MTIF2: variants seen among roughly 807,000 people sequenced by gnomAD.
The protein encoded by MTIF2 is translation initiation factor IF-2, mitochondrial.
In MTIF2, 71 loss-of-function variants were observed where a neutral mutation model predicts 83.5. The ratio of observed to expected loss-of-function variants is 0.85; its 90% CI spans 0.70 to 1.04. The LOEUF is 1.04. Ranked by LOEUF, MTIF2 falls within the 50% of genes least tolerant of loss-of-function variation. MTIF2 has a pLI of 0.00. For synonymous variants in MTIF2, 319 were observed against 287.1 expected (o/e 1.11, Z -1.12); for missense variants, 957 against 846.5 (o/e 1.13, Z -1.62).
At chr2:55,237,559 G>T in intron 14 of MTIF2, 131 bp from the exon 15 acceptor site, 3 of 732,612 alleles carry the variant, frequency 4.1e-6, no homozygotes, top group South Asian at 4.1e-5. Context: ...AAAAGTCTGG[G>T]TTTCTTTAAC....
At position 55,236,935 on chromosome 2, in the gene MTIF2, T is replaced by C. The variant is rs377685995; in HGVS notation, c.2012-115A>G. 1.2e-4 allele frequency: 105 copies of C among 898,836 alleles called. 1 individual carries two copies. The East Asian group carries it at 2.7e-3, about 23-fold the overall frequency. 55.7% of individuals were successfully genotyped at this position (898,836 alleles called of 1,614,324 possible). A position where few individuals can be genotyped will look rare whatever the true frequency, so the allele number is the denominator to read the frequency against. On this transcript the variant is annotated intron_variant, in intron 15 of 15. Transcript: ENST00000263629. ...ACTGAAATTCTTAAAAATTTTATGG[T>C]CTTGTCAAGTTAAATGATGGGACTA...
chr2:55,239,845 G>T (rs1406088986), intron 14 of MTIF2, among the ~76,000 whole-genome samples, 166 bp downstream of exon 14: 1 of 152,178 alleles, frequency 6.6e-6, no homozygotes, highest in Admixed American at 6.5e-5. Context: ...CACAGGGCAG[G>T]TGTTTACATA....
chr2:55,258,471 C>T (rs537490463), intron 5 of MTIF2, among the ~76,000 whole-genome samples: 12 of 152,150 alleles, frequency 7.9e-5, no homozygotes, highest in African/African-American at 2.9e-4. Context: ...GAGTTCGAGA[C>T]CAGCCTGACC....
At position 55,261,452 on chromosome 2, in the gene MTIF2, A is replaced by G. The variant is rs1164331761; in HGVS notation, c.331+864T>C. 2.0e-5 allele frequency among the ~76,000 whole-genome samples: 3 copies of G among 151,962 alleles called. No individual in the cohort carries two copies. The East Asian group carries it at 5.9e-4, about 30-fold the overall frequency. ...GAAACCCCGTCTCTACTAAAAAAAA[A>G]AAAAATTAGCCGGGCGTGGTTGTGG... On this transcript the variant is annotated intron_variant, in intron 5 of 15. Transcript: ENST00000263629.
At position 55,261,344 on chromosome 2, in the gene MTIF2, G is replaced by A. The variant is rs558899105; in HGVS notation, c.331+972C>T. 8.6e-5 allele frequency among the ~76,000 whole-genome samples: 13 copies of A among 151,958 alleles called. No individual in the cohort carries two copies. In the South Asian group the frequency reaches 1.0e-3, roughly 12 times the overall value. ...AAAAGGCTGGGCATGGTGGGATCAC[G>A]CCCCTAATCCCATCACTCTGGGAGG... On this transcript the variant is annotated intron_variant, in intron 5 of 15. Transcript: ENST00000263629.
At position 55,259,998 on chromosome 2, in the gene MTIF2, C is replaced by T. The variant is rs1304214513; in HGVS notation, c.331+2318G>A. Among the ~76,000 whole-genome samples, 5 of 152,098 alleles carry T rather than the reference C, an allele frequency of 3.3e-5. No homozygotes were observed. In the East Asian group the frequency reaches 7.7e-4, roughly 23 times the overall value. The stretch of plus-strand genomic sequence containing the variant: ...TATCAATACTATTTATAAAGCCACA[C>T]CAATATAATTTTCCTTAGAAAAATT... On this transcript the variant is annotated intron_variant, in intron 5 of 15. Coordinates refer to ENST00000263629, the MANE Select transcript of MTIF2 (RefSeq NM_002453.3).
intron 5 of MTIF2, among the ~76,000 whole-genome samples, chr2:55,261,693 C>A (rs2104453979): frequency 6.6e-6 from 1 of 151,880 alleles, no homozygotes; most frequent in South Asian, 2.1e-4. Context: ...AATCCCAGCA[C>A]TTTGGGAGGT....
intron 5 of MTIF2, among the ~76,000 whole-genome samples, chr2:55,256,301 T>TAC (rs59068934): frequency 4.3e-4 from 65 of 149,930 alleles, no homozygotes; most frequent in South Asian, 1.7e-3. Context: ...TACACACATA[T>TAC]ACACACACAC....
At chr2:55,258,332 T>C (rs547197292) in intron 5 of MTIF2, among the ~76,000 whole-genome samples, 3 of 152,322 alleles carry the variant, frequency 2.0e-5, no homozygotes, top group Admixed American at 2.0e-4. Flanking sequence ...AAATTTACTA[T>C]GTGAATATGC....
intron 5 of MTIF2, among the ~76,000 whole-genome samples, chr2:55,261,443 T>C (rs1228799874): frequency 2.2e-5 from 3 of 138,362 alleles, no homozygotes; most frequent in Admixed American, 1.5e-4. Flanking sequence ...CCGTCTCTAC[T>C]AAAAAAAAAA....
At chr2:55,243,334 T>A (rs1025532693) in intron 12 of MTIF2, 82 bp downstream of exon 12, 2 of 1,307,524 alleles carry the variant, frequency 1.5e-6, no homozygotes. Flanking sequence ...AATTTTCATG[T>A]AAATGTAAAG....
Position 55,252,613 on chromosome 2 carries a change from A to C in MTIF2, c.705T>G (p.Thr235=). 1 of 1,613,922 alleles carries C rather than the reference A, an allele frequency of 6.2e-7. No individual in the cohort carries two copies. The highest frequency in any genetic ancestry group is 1.1e-5 in the South Asian group (1 of 91,058). The change falls in exon 8 of 16, where the codon ACT becomes ACG. Residue 235 remains threonine, a synonymous_variant. Transcript: ENST00000263629. ...TTGCTGAGAAAGCAGCATGTCCTGGAGTATCAAGAAAAGTTATCTTTTCCC... is the reference window on the plus strand; with the variant it reads ...TTGCTGAGAAAGCAGCATGTCCTGGCGTATCAAGAAAAGTTATCTTTTCCC... ...PSGEKITFLD[T]PGHAAFSAMR...
chr2:55,267,758 T>G (rs750206232), intron 2 of MTIF2, 123 bp from the exon 3 acceptor site: 1 of 152,328 alleles, frequency 6.6e-6, no homozygotes, highest in Non-Finnish European at 1.5e-5. Flanking sequence ...ATATCACATG[T>G]CTTGATACTC....
chr2:55,238,317 T>C (rs1676043821), intron 14 of MTIF2, among the ~76,000 whole-genome samples: 1 of 151,412 alleles, frequency 6.6e-6, no homozygotes, highest in Admixed American at 6.6e-5. Flanking sequence ...GCACCTGACC[T>C]CATTATTTTT....
intron 5 of MTIF2, among the ~76,000 whole-genome samples, chr2:55,259,936 T>A (rs1029452539): frequency 6.6e-6 from 1 of 151,846 alleles, no homozygotes; most frequent in Non-Finnish European, 1.5e-5. Flanking sequence ...AGAGCAAGAC[T>A]CTGCTTCAAA....
intron 5 of MTIF2, among the ~76,000 whole-genome samples, chr2:55,258,938 C>T (rs1320189046): frequency 6.6e-6 from 1 of 151,966 alleles, no homozygotes; most frequent in African/African-American, 2.4e-5. Context: ...TAAGATCATG[C>T]CATTGCACTC....
At chr2:55,250,087 C>T (rs1676985186) in intron 8 of MTIF2, among the ~76,000 whole-genome samples, 1 of 151,998 alleles carries the variant, frequency 6.6e-6, no homozygotes, top group Non-Finnish European at 1.5e-5. Context: ...AGCGAGACTC[C>T]ATCCCAGAAA....
chr2:55,264,796 A>T (rs921719136), intron 3 of MTIF2, among the ~76,000 whole-genome samples: 1 of 152,228 alleles, frequency 6.6e-6, no homozygotes, highest in Non-Finnish European at 1.5e-5. Context: ...GAATAAAAGA[A>T]GAGTTTTTTT....
At chr2:55,242,243 T>C (rs1676377259) in intron 13 of MTIF2, among the ~76,000 whole-genome samples, 1 of 152,240 alleles carries the variant, frequency 6.6e-6, no homozygotes, top group Non-Finnish European at 1.5e-5. Flanking sequence ...CCAAATACTT[T>C]TAATTAATCA....
Sources: allele counts gnomAD v4.1 joint callset (sites outside exome capture counted in the v4.1 genomes callset), GRCh38; gene constraint gnomAD v4.1.1; transcripts MANE v1.5; gene names NCBI Gene and HGNC (gene_info 2026-07-23, HGNC 2026-07-21).